Variants in VRK1 observed in about 807,000 individuals in gnomAD.
The protein encoded by VRK1 is serine/threonine-protein kinase VRK1.
A neutral mutation model predicts 57.1 loss-of-function variants in VRK1; 33 were observed. That is an observed-to-expected ratio of 0.58 (90% CI 0.44 to 0.77). The LOEUF (loss-of-function observed/expected upper bound fraction) is 0.77. Ranked by LOEUF, VRK1 falls within the 30% of genes least tolerant of loss-of-function variation. VRK1 has a pLI of 0.00. For synonymous variants in VRK1, 137 were observed against 147.8 expected (o/e 0.93, Z 0.53); for missense variants, 413 against 477.3 (o/e 0.87, Z 1.25).
chr14:96,879,853 C>T (rs1331673763), intron 12 of VRK1, among the ~76,000 whole-genome samples: 1 of 151,580 alleles, frequency 6.6e-6, no homozygotes, highest in Non-Finnish European at 1.5e-5. Flanking sequence ...CACTTGAACC[C>T]AGGAGGCGGA....
intron 10 of VRK1, among the ~76,000 whole-genome samples, chr14:96,858,549 C>T (rs1019423618): frequency 2.0e-5 from 3 of 152,162 alleles, no homozygotes; most frequent in Non-Finnish European, 4.4e-5. Context: ...TATAGTCTAC[C>T]TGCAGTTGGT....
intron 11 of VRK1, among the ~76,000 whole-genome samples, chr14:96,873,553 G>A (rs541260727): frequency 6.6e-6 from 1 of 152,186 alleles, no homozygotes; most frequent in African/African-American, 2.4e-5. Flanking sequence ...AAAGGCACCT[G>A]TGAGACCTGA....
intron 1 of VRK1, among the ~76,000 whole-genome samples, chr14:96,815,474 C>T (rs529035300): frequency 2.8e-4 from 43 of 151,970 alleles, no homozygotes; most frequent in African/African-American, 1.0e-3. Context: ...CTGAAGATAC[C>T]TTATATTGTT....
intron 2 of VRK1, among the ~76,000 whole-genome samples, chr14:96,836,113 A>G (rs1327179588): frequency 3.9e-5 from 6 of 152,136 alleles, no homozygotes; most frequent in Non-Finnish European, 8.8e-5. Flanking sequence ...ATCTTTGTAT[A>G]TGATGCTTTA....
chr14:96,832,361 AGTATGTTTTTAGGGAACTGTG>A (rs1887040702), intron 1 of VRK1, among the ~76,000 whole-genome samples: 1 of 152,144 alleles, frequency 6.6e-6, no homozygotes, highest in African/African-American at 2.4e-5. Flanking sequence ...CTATATCTCC[AGTATGTTTTTAGGGAACTGTG>A]GAACCTAACA....
intron 3 of VRK1, among the ~76,000 whole-genome samples, chr14:96,845,242 C>CA (rs1887634899): frequency 6.6e-6 from 1 of 151,916 alleles, no homozygotes; most frequent in Admixed American, 6.6e-5. Flanking sequence ...TAATGACCAA[C>CA]ACAAAATACC....
intron 11 of VRK1, among the ~76,000 whole-genome samples, chr14:96,865,341 T>C (rs1249604644): frequency 6.6e-6 from 1 of 152,176 alleles, no homozygotes; most frequent in Admixed American, 6.5e-5. Flanking sequence ...GTGGTAACCA[T>C]AGGTATTTTA....
At chr14:96,856,613 T>C (rs1377159605) in intron 10 of VRK1, 27 bp downstream of exon 10, 4 of 1,598,150 alleles carry the variant, frequency 2.5e-6, no homozygotes, top group African/African-American at 1.3e-5. Context: ...TCAGTGTTAA[T>C]AGGGATTTTG....
intron 1 of VRK1, among the ~76,000 whole-genome samples, chr14:96,800,015 C>A (rs12897731): frequency 0.6 from 90,767 of 150,478 alleles, 28,060 homozygotes; most frequent in Non-Finnish European, 0.64. Context: ...TGTAGGGCGC[C>A]TTTGAAAAAC....
intron 3 of VRK1, among the ~76,000 whole-genome samples, chr14:96,843,189 T>C (rs1415938809): frequency 6.6e-6 from 1 of 152,184 alleles, no homozygotes; most frequent in African/African-American, 2.4e-5. Context: ...GCAGGAGAAA[T>C]GTTGGATAAT....
At chr14:96,807,943 GTC>G (rs1211769365) in intron 1 of VRK1, among the ~76,000 whole-genome samples, 2 of 144,784 alleles carry the variant, frequency 1.4e-5, no homozygotes, top group Non-Finnish European at 3.0e-5. Context: ...CTCTTTCTCT[GTC>G]TCTCTCTCTG....
chr14:96,846,293 C>T, intron 4 of VRK1, 129 bp downstream of exon 4: 2 of 900,798 alleles, frequency 2.2e-6, no homozygotes, highest in Non-Finnish European at 3.5e-6. Flanking sequence ...ATTCCACTTA[C>T]ATGGGATTTG....
rs1888005778 is a variant in VRK1, at chr14:96,852,900, G to A, written c.444G>A (p.Arg148=). Residue 148 remains arginine, a synonymous_variant, in exon 6 of 13, where the codon AGG becomes AGA. Coordinates refer to ENST00000216639, the MANE Select transcript of VRK1 (RefSeq NM_003384.3). ...LQKIYEANAK[R]FSRKTVLQLS... is the part of the protein sequence containing the mutation. ...AAATATATGAAGCAAATGCCAAAAGGTTTTCTCGGAAAACTGTCTTGCAGC... is the reference window on the plus strand; with the variant it reads ...AAATATATGAAGCAAATGCCAAAAGATTTTCTCGGAAAACTGTCTTGCAGC... 1 of 1,613,834 alleles carries A rather than the reference G, an allele frequency of 6.2e-7. No individual in the cohort carries two copies. Among genetic ancestry groups the A allele is most frequent in the South Asian group, 1.1e-5 (1 of 91,076 alleles).
chr14:96,811,202 A>G (rs181911727), intron 1 of VRK1, among the ~76,000 whole-genome samples: 99 of 152,252 alleles, frequency 6.5e-4, no homozygotes, highest in African/African-American at 2.3e-3. Context: ...AAGTGCAGGG[A>G]TTACAGGTGT....
chr14:96,855,489 A>G lies in VRK1; in HGVS notation c.709+133A>G, dbSNP rs1481102272. 2.2e-6 allele frequency: 3 copies of G among 1,377,850 alleles called. No homozygotes were observed. The Admixed American group carries it at 5.6e-5, about 26-fold the overall frequency. 85.4% of individuals were successfully genotyped at this position (1,377,850 alleles called of 1,614,324 possible). ...AAAGGCACAGTGGCATGAGGAAAGA[A>G]GGCAGAGGTGAGACTCCTACAATTG... On this transcript the variant is annotated intron_variant, in intron 8 of 12. Transcript: ENST00000216639.
At chr14:96,877,696 T>C in intron 12 of VRK1, 1 of 1,248,578 alleles carries the variant, frequency 8.0e-7, no homozygotes, top group Non-Finnish European at 1.0e-6. Flanking sequence ...TCTAGTGAGA[T>C]TGACACTCAT....
intron 11 of VRK1, among the ~76,000 whole-genome samples, chr14:96,866,154 C>T (rs1888578260): frequency 6.6e-6 from 1 of 151,986 alleles, no homozygotes. Flanking sequence ...ATAAGGAGAG[C>T]TTTATGTGAA....
At chr14:96,824,938 C>T (rs2369901) in intron 1 of VRK1, among the ~76,000 whole-genome samples, 1,531 of 152,208 alleles carry the variant, frequency 0.01, 12 homozygotes, top group Middle Eastern at 0.065. Flanking sequence ...CAGGTGTGAG[C>T]CACCGCACCC....
chr14:96,819,373 A>C (rs1416095967), intron 1 of VRK1, among the ~76,000 whole-genome samples: 3 of 152,178 alleles, frequency 2.0e-5, no homozygotes, highest in Non-Finnish European at 2.9e-5. Flanking sequence ...AAAATGAATG[A>C]CTTAATGAAG....
Sources: gnomAD v4.1 joint callset for allele counts (sites outside exome capture counted in the v4.1 genomes callset) on GRCh38, gnomAD v4.1.1 for gene constraint, MANE v1.5 for transcripts, NCBI Gene and HGNC (gene_info 2026-07-23, HGNC 2026-07-21) for gene names.